AMHR2: variants seen among roughly 807,000 people sequenced by gnomAD.
AMHR2 encodes the protein anti-Muellerian hormone type-2 receptor.
AMHR2 carries 36 observed loss-of-function variants against 61.4 expected under a neutral mutation model. The observed-to-expected ratio is 0.59, with a 90% CI of 0.45 to 0.77. AMHR2 has a LOEUF of 0.77. Among genes scored for constraint, AMHR2 ranks in the 30% least tolerant of loss-of-function variants. The pLI, the probability that AMHR2 is intolerant of heterozygous loss-of-function variation, is 0.00. For synonymous variants in AMHR2, 258 were observed against 279.4 expected, an observed-to-expected ratio of 0.92 and a Z score of 0.76; for missense variants, 638 against 714.6, an observed-to-expected ratio of 0.89 and a Z score of 1.22.
chr12:53,425,705 G>A lies in AMHR2; in HGVS notation c.638G>A (p.Gly213Asp). 7 of 1,614,154 alleles carry A rather than the reference G, an allele frequency of 4.3e-6. No individual in the cohort carries two copies. Among genetic ancestry groups the A allele is most frequent in the Non-Finnish European group, 5.9e-6 (7 of 1,180,032 alleles). The change falls in exon 6 of 11, where the codon GGT (glycine) becomes GAT (aspartate). Residue 213 changes from glycine to aspartate, a missense_variant. By Grantham distance (94) the Gly-to-Asp change is moderately conservative (BLOSUM62 -1). Coordinates refer to ENST00000257863, the MANE Select transcript of AMHR2 (RefSeq NM_020547.3). Reference protein sequence around the residue: ...LCFSQVIREGGHAVVWAGQLQ... With the variant: ...LCFSQVIREGDHAVVWAGQLQ... ...CCCCAGCAGGTAATCCGGGAAGGAG[G>A]TCATGCAGTGGTTTGGGCCGGGCAG...
chr12:53,428,064 A>T (rs761923609), intron 6 of AMHR2, among the ~76,000 whole-genome samples: 3 of 152,060 alleles, frequency 2.0e-5, no homozygotes, highest in Non-Finnish European at 4.4e-5. Flanking sequence ...TTGACCATAT[A>T]CCTCCTGGCC....
chr12:53,430,788 T>A, intron 10 of AMHR2: 1 of 364,628 alleles, frequency 2.7e-6, no homozygotes, highest in Non-Finnish European at 5.2e-6. Context: ...GCACAAATAC[T>A]TTTTTAACAA....
intron 1 of AMHR2, 123 bp downstream of exon 1, chr12:53,424,106 A>G: frequency 7.4e-7 from 1 of 1,351,782 alleles, no homozygotes; most frequent in East Asian, 2.3e-5. Context: ...GGTGAAGGAT[A>G]GAGCCATGTG....
At chr12:53,430,333 A>G (rs1227300887) in intron 10 of AMHR2, 51 bp downstream of exon 10, 1 of 1,613,766 alleles carries the variant, frequency 6.2e-7, no homozygotes, top group Non-Finnish European at 8.5e-7. Context: ...GGGGCTGGGC[A>G]TGGGCTTCAA....
At chr12:53,430,404 G>A in intron 10 of AMHR2, 122 bp downstream of exon 10, 3 of 1,516,802 alleles carry the variant, frequency 2.0e-6, no homozygotes, top group South Asian at 2.3e-5. Context: ...TCACTCCTTG[G>A]TTCATGCTCA....
At position 53,425,492 on chromosome 12, in the gene AMHR2, G is replaced by C. The variant is rs1441183832; in HGVS notation, c.540G>C (p.Glu180Asp). The change falls in exon 5 of 11, where the codon GAG becomes GAC. Residue 180 changes from glutamate to aspartate, a missense_variant. Coordinates refer to ENST00000257863, the MANE Select transcript of AMHR2 (RefSeq NM_020547.3). ...LQRKNYRVRG[E>D]PVPEPRPDSG... ...GAAAGAACTACAGAGTGCGAGGTGA[G>C]CCAGTGCCAGAGCCAAGGCCAGACT... 4 of 1,613,940 alleles carry C rather than the reference G, an allele frequency of 2.5e-6. No individual in the cohort carries two copies. The Admixed American group carries it at 6.7e-5, about 27-fold the overall frequency.
chr12:53,424,611 T>A, intron 2 of AMHR2, 98 bp from the exon 3 acceptor site: 1 of 1,531,980 alleles, frequency 6.5e-7, no homozygotes, highest in Non-Finnish European at 9.0e-7. Flanking sequence ...AAGGGACGCC[T>A]CTGATAGAGA....
intron 2 of AMHR2, 32 bp from the exon 3 acceptor site, chr12:53,424,677 T>A (rs757083236): frequency 6.2e-7 from 1 of 1,605,312 alleles, no homozygotes; most frequent in Non-Finnish European, 8.5e-7. Context: ...GCCCCCCCTT[T>A]CTCTCCTCTT....
intron 6 of AMHR2, among the ~76,000 whole-genome samples, chr12:53,426,474 T>G (rs188599410): frequency 6.6e-6 from 1 of 151,676 alleles, no homozygotes; most frequent in African/African-American, 2.4e-5. Flanking sequence ...AAACAAAAAA[T>G]TGGCTGGGTG....
intron 10 of AMHR2, 140 bp from the exon 11 acceptor site, chr12:53,431,037 G>A: frequency 9.2e-7 from 1 of 1,082,870 alleles, no homozygotes; most frequent in Non-Finnish European, 1.4e-6. Flanking sequence ...AATTCAGCAA[G>A]AGGGAGAGGA....
chr12:53,431,039 G>A, intron 10 of AMHR2, 138 bp from the exon 11 acceptor site: 1 of 1,101,394 alleles, frequency 9.1e-7, no homozygotes, highest in Non-Finnish European at 1.4e-6. Flanking sequence ...TTCAGCAAGA[G>A]GGAGAGGAGG....
chr12:53,429,906 C>T lies in AMHR2; in HGVS notation c.1216C>T (p.Arg406Ter), dbSNP rs769617823. 20 of 1,614,022 alleles carry T rather than the reference C, an allele frequency of 1.2e-5. No individual in the cohort carries two copies. The highest frequency in any genetic ancestry group is 1.7e-5 in the Admixed American group (1 of 59,994). ...LDLQDWGMAL[R>*]RADIYSLALL... The stretch of plus-strand genomic sequence containing the variant: ...CCTACAGGATTGGGGCATGGCCCTC[C>T]GACGAGCTGATATTTACTCTTTGGC... The change falls in exon 9 of 11, where the codon CGA (arginine) becomes TGA (stop). Residue 406 changes from arginine (R) to a stop codon, truncating the protein, a stop_gained. Coordinates refer to ENST00000257863, the MANE Select transcript of AMHR2 (RefSeq NM_020547.3). LOFTEE classifies it high-confidence loss of function.
chr12:53,431,042 A>AGAGGAG, intron 10 of AMHR2, 135 bp from the exon 11 acceptor site: 2 of 1,125,396 alleles, frequency 1.8e-6, no homozygotes, highest in Non-Finnish European at 2.6e-6. Flanking sequence ...AGCAAGAGGG[A>AGAGGAG]GAGGAGGGAG....
chr12:53,424,354 T>G lies in AMHR2; in HGVS notation c.116T>G (p.Leu39Arg), dbSNP rs1565829724. The stretch of plus-strand genomic sequence containing the variant: ...GGAGTGCGGGGAAGCACAAAGACAC[T>G]GGGAGAGCTGCTAGATACAGGCACA... ...APGVRGSTKTLGELLDTGTEL... is the reference protein window; with the variant it reads ...APGVRGSTKTRGELLDTGTEL... The change falls in exon 2 of 11, where the codon CTG becomes CGG. Residue 39 changes from leucine (L) to arginine (R), a missense_variant. Transcript: ENST00000257863. 6.2e-7 allele frequency: 1 copy of G among 1,613,388 alleles called. No individual in the cohort carries two copies. The highest frequency in any genetic ancestry group is 1.7e-5 in the Admixed American group (1 of 60,016).
At chr12:53,430,922 G>T in intron 10 of AMHR2, 1 of 569,596 alleles carries the variant, frequency 1.8e-6, no homozygotes, top group South Asian at 2.1e-5. Flanking sequence ...TTTCCCATTA[G>T]CATATTAAGC....
chr12:53,424,139 C>G (rs951337252), intron 1 of AMHR2, 149 bp from the exon 2 acceptor site: 2 of 1,321,112 alleles, frequency 1.5e-6, no homozygotes, highest in Non-Finnish European at 1.1e-6. Flanking sequence ...GGCTCAGGTT[C>G]CAGGCCTCTG....
chr12:53,425,363 C>G, intron 4 of AMHR2, 92 bp from the exon 5 acceptor site: 5 of 1,604,702 alleles, frequency 3.1e-6, no homozygotes, highest in Non-Finnish European at 3.4e-6. Context: ...TCCCGGACTC[C>G]CATGACCTCT....
chr12:53,424,083 C>T, intron 1 of AMHR2, 100 bp downstream of exon 1: 1 of 1,456,014 alleles, frequency 6.9e-7, no homozygotes, highest in Non-Finnish European at 9.6e-7. Flanking sequence ...GGTGAGTGGG[C>T]TGGGTGAGTA....
Position 53,429,914 on chromosome 12 carries a change from T to A in AMHR2, c.1224T>A (p.Ala408=), listed in dbSNP as rs754347694. ...LQDWGMALRR[A]DIYSLALLLW... ...ATTGGGGCATGGCCCTCCGACGAGCTGATATTTACTCTTTGGCTCTGCTCC... is the reference window on the plus strand; with the variant it reads ...ATTGGGGCATGGCCCTCCGACGAGCAGATATTTACTCTTTGGCTCTGCTCC... Residue 408 remains alanine (A), a synonymous_variant, in exon 9 of 11, where the codon GCT becomes GCA. Coordinates refer to ENST00000257863, the MANE Select transcript of AMHR2 (RefSeq NM_020547.3). The A allele has an allele frequency of 1.2e-6, 2 of 1,614,170 alleles. No homozygotes were observed. The highest frequency in any genetic ancestry group is 2.2e-5 in the South Asian group (2 of 91,082).
Sources: gnomAD v4.1 joint callset for allele counts (sites outside exome capture counted in the v4.1 genomes callset) on GRCh38, gnomAD v4.1.1 for gene constraint, MANE v1.5 for transcripts, NCBI Gene and HGNC (gene_info 2026-07-23, HGNC 2026-07-21) for gene names.